The following TLE1 variants were observed in gnomAD, a reference collection of about 807,000 sequenced individuals.
TLE1 encodes TLE family member 1, transcriptional corepressor.
A neutral mutation model predicts 89.8 loss-of-function variants in TLE1; 21 were observed. The ratio of observed to expected loss-of-function variants is 0.23; its 90% CI spans 0.17 to 0.34. The LOEUF (loss-of-function observed/expected upper bound fraction) is 0.34. TLE1 is among the 10% of genes least tolerant of loss of function. The pLI is 1.00. For synonymous variants in TLE1, 447 were observed against 407.6 expected (o/e 1.10, Z -1.16); for missense variants, 795 against 1,031.2 (o/e 0.77, Z 3.14).
At chr9:81,645,000 C>CAA (rs150421441) in intron 6 of TLE1, among the ~76,000 whole-genome samples, 1,379 of 64,664 alleles carry the variant, frequency 0.021, 28 homozygotes, top group Non-Finnish European at 0.03. Flanking sequence ...GACACTGTCT[C>CAA]AAAAAAAAAA....
chr9:81,591,658 G>C (rs1336320030), intron 15 of TLE1, among the ~76,000 whole-genome samples: 2 of 152,120 alleles, frequency 1.3e-5, no homozygotes, highest in African/African-American at 2.4e-5. Context: ...TGCAGATATG[G>C]CTAAAGTTTG....
intron 17 of TLE1, among the ~76,000 whole-genome samples, 179 bp downstream of exon 17, chr9:81,587,502 G>C (rs892298573): frequency 2.0e-5 from 3 of 152,176 alleles, no homozygotes; most frequent in Non-Finnish European, 2.9e-5. Flanking sequence ...GGGAAGGTAG[G>C]GGGAGGGTCG....
At chr9:81,688,079 G>A (rs554398406) in intron 1 of TLE1, 138 bp downstream of exon 1, 19 of 1,089,798 alleles carry the variant, frequency 1.7e-5, no homozygotes, top group Admixed American at 7.1e-5. Flanking sequence ...GGAAGAGAGG[G>A]CCCCAGACCT....
intron 16 of TLE1, among the ~76,000 whole-genome samples, chr9:81,589,509 T>TAA (rs1020740005): frequency 3.3e-5 from 5 of 152,062 alleles, no homozygotes; most frequent in African/African-American, 1.2e-4. Context: ...ATCCAACAGG[T>TAA]ATTTACTCCC....
intron 18 of TLE1, 105 bp downstream of exon 18, chr9:81,585,400 C>T (rs1828250908): frequency 9.3e-6 from 13 of 1,403,600 alleles, no homozygotes; most frequent in Admixed American, 2.0e-5. Flanking sequence ...CATCCAGCTG[C>T]TCGGAGAACA....
chr9:81,595,608 G>A (rs1019313773), intron 14 of TLE1, among the ~76,000 whole-genome samples: 3 of 152,084 alleles, frequency 2.0e-5, no homozygotes, highest in African/African-American at 4.8e-5. Flanking sequence ...CACGAGATCA[G>A]GAGATCAAGA....
intron 8 of TLE1, among the ~76,000 whole-genome samples, chr9:81,629,162 T>C (rs1048361319): frequency 1.4e-5 from 2 of 147,622 alleles, no homozygotes; most frequent in African/African-American, 5.2e-5. Flanking sequence ...TCAACAAATA[T>C]TTGTCAAATG....
chr9:81,677,654 T>C (rs760352158), intron 4 of TLE1, among the ~76,000 whole-genome samples: 1 of 151,738 alleles, frequency 6.6e-6, no homozygotes, highest in African/African-American at 2.4e-5. Flanking sequence ...ACTAGTATCA[T>C]AGACTAGTAA....
intron 8 of TLE1, 115 bp from the exon 9 acceptor site, chr9:81,620,672 C>G: frequency 6.7e-7 from 1 of 1,494,144 alleles, no homozygotes; most frequent in Non-Finnish European, 8.9e-7. Flanking sequence ...GCCTTTCATT[C>G]CATTTAATTC....
At chr9:81,617,725 T>C (rs1824731485) in intron 9 of TLE1, among the ~76,000 whole-genome samples, 1 of 149,042 alleles carries the variant, frequency 6.7e-6, no homozygotes, top group Admixed American at 6.8e-5. Context: ...AAATAAAGCC[T>C]GTTCAATTTA....
intron 4 of TLE1, among the ~76,000 whole-genome samples, chr9:81,670,107 A>G (rs1310395606): frequency 6.6e-6 from 1 of 152,148 alleles, no homozygotes; most frequent in Non-Finnish European, 1.5e-5. Context: ...TTATCTTTCT[A>G]TTGCTCTCAA....
chr9:81,649,231 A>T (rs2132581637), intron 6 of TLE1, among the ~76,000 whole-genome samples: 1 of 152,318 alleles, frequency 6.6e-6, no homozygotes, highest in Admixed American at 6.5e-5. Context: ...GTGAGAAAGA[A>T]TTAAAATTCA....
In TLE1 at chr9:81,591,047, T is replaced by C; in HGVS notation, c.1587A>G (p.Arg529=). Residue 529 remains arginine (R), a synonymous_variant, in exon 16 of 20, where the codon AGA becomes AGG. Transcript: ENST00000376499. ...ATTTACAGGAACGGATATAATTGTC[T>C]CTGTTCTGTAGAATAAACATAATTC... ...SPVSQLDCLN[R]DNYIRSCKLL... The C allele has an allele frequency of 6.2e-7, 1 of 1,613,252 alleles. No homozygotes were observed.
chr9:81,620,808 TCTGTC>T, intron 8 of TLE1: 6 of 1,259,662 alleles, frequency 4.8e-6, no homozygotes, highest in Non-Finnish European at 6.3e-6. Context: ...GAAATGTGCT[TCTGTC>T]CTATTTACTG....
intron 8 of TLE1, among the ~76,000 whole-genome samples, chr9:81,621,423 T>C (rs538357314): frequency 6.6e-6 from 1 of 152,276 alleles, no homozygotes; most frequent in Admixed American, 6.5e-5. Context: ...GGGGGCAATT[T>C]GTTCAGTGAT....
At chr9:81,592,480 C>CTGCT (rs1280848144) in intron 15 of TLE1, among the ~76,000 whole-genome samples, 3 of 152,222 alleles carry the variant, frequency 2.0e-5, no homozygotes, top group Non-Finnish European at 4.4e-5. Flanking sequence ...AGCATTCTCA[C>CTGCT]TGCTCTCTTT....
At chr9:81,671,490 C>T (rs1459115572) in intron 4 of TLE1, among the ~76,000 whole-genome samples, 1 of 151,894 alleles carries the variant, frequency 6.6e-6, no homozygotes, top group Admixed American at 6.6e-5. Flanking sequence ...ACTAAAAATA[C>T]AAAAATTAGC....
chr9:81,675,708 G>GTTTTTTTTTTT (rs61458315), intron 4 of TLE1, among the ~76,000 whole-genome samples: 2 of 132,454 alleles, frequency 1.5e-5, no homozygotes, highest in African/African-American at 6.0e-5. Context: ...GTTTTTTTTT[G>GTTTTTTTTTTT]TTTTTTTTTT....
intron 16 of TLE1, among the ~76,000 whole-genome samples, chr9:81,588,190 C>G (rs1445915575): frequency 6.6e-6 from 1 of 152,122 alleles, no homozygotes; most frequent in Non-Finnish European, 1.5e-5. Context: ...GACAAACACA[C>G]AAAATCCCGA....
Sources: allele counts gnomAD v4.1 joint callset (sites outside exome capture counted in the v4.1 genomes callset), GRCh38; gene constraint gnomAD v4.1.1; transcripts MANE v1.5; gene names NCBI Gene and HGNC (gene_info 2026-07-23, HGNC 2026-07-21).